The following ADAMTS3 variants were observed in gnomAD, a reference collection of about 807,000 sequenced individuals.
ADAMTS3 encodes the protein A disintegrin and metalloproteinase with thrombospondin motifs 3.
In ADAMTS3, 73 loss-of-function variants were observed where a neutral mutation model predicts 129.0. The observed-to-expected ratio is 0.57, with a 90% CI of 0.47 to 0.69. The LOEUF is 0.69. Ranked by LOEUF, ADAMTS3 falls within the 30% of genes least tolerant of loss-of-function variation. The probability of loss-of-function intolerance (pLI) is 0.00; values close to 1 mark genes in which losing one functional copy is unlikely to be tolerated. For synonymous variants in ADAMTS3, 477 were observed against 510.8 expected (o/e 0.93, Z 0.89); for missense variants, 1,457 against 1,514.5 (o/e 0.96, Z 0.63).
intron 21 of ADAMTS3, among the ~76,000 whole-genome samples, chr4:72,288,478 T>C: frequency 6.6e-6 from 1 of 152,174 alleles, no homozygotes; most frequent in East Asian, 1.9e-4. Context: ...GCAACACAAA[T>C]TGATAGACGT....
intron 3 of ADAMTS3, among the ~76,000 whole-genome samples, chr4:72,540,448 G>C (rs1051139978): frequency 3.9e-5 from 6 of 152,216 alleles, no homozygotes; most frequent in African/African-American, 1.4e-4. Flanking sequence ...CAATGCAATA[G>C]GAAAGAAAAT....
intron 4 of ADAMTS3, among the ~76,000 whole-genome samples, chr4:72,357,844 T>C (rs566336373): frequency 4.4e-4 from 67 of 151,958 alleles, no homozygotes; most frequent in Non-Finnish European, 3.5e-4. Context: ...CAAAAAGATT[T>C]AAATATAAAT....
At chr4:72,462,755 A>C (rs1718806819) in intron 3 of ADAMTS3, among the ~76,000 whole-genome samples, 1 of 151,974 alleles carries the variant, frequency 6.6e-6, no homozygotes, top group African/African-American at 2.4e-5. Flanking sequence ...AGAATATAAA[A>C]AGAAAATATT....
intron 3 of ADAMTS3, among the ~76,000 whole-genome samples, chr4:72,474,291 C>A (rs1422441714): frequency 1.3e-5 from 2 of 151,934 alleles, no homozygotes; most frequent in Non-Finnish European, 2.9e-5. Context: ...CAATGATAAA[C>A]AATGTTTCAA....
chr4:72,283,735 C>A (rs1254936296), intron 21 of ADAMTS3, 31 bp from the exon 22 acceptor site: 2 of 1,498,200 alleles, frequency 1.3e-6, no homozygotes, highest in South Asian at 1.3e-5. Context: ...TAAACTAACA[C>A]TAGCATCTAA....
chr4:72,391,299 A>C (rs1200559334), intron 4 of ADAMTS3, among the ~76,000 whole-genome samples: 1 of 152,204 alleles, frequency 6.6e-6, no homozygotes, highest in East Asian at 1.9e-4. Context: ...TCTCTCTCCC[A>C]TTGCTCAAAT....
intron 3 of ADAMTS3, among the ~76,000 whole-genome samples, chr4:72,500,581 T>C (rs1359064606): frequency 1.3e-5 from 2 of 152,308 alleles, no homozygotes; most frequent in Non-Finnish European, 2.9e-5. Flanking sequence ...AATCTGTTGA[T>C]AGTTTATTTT....
rs528413888 is a variant in ADAMTS3 at position 72,413,809 on chromosome 4, G to A, written c.661+1006C>T. ...CCTCTACAGTGACTCTCTAAGCTAG[G>A]CATACATTTCATAATACTGTATTTA... On this transcript the variant is annotated intron_variant, in intron 4 of 21. Transcript: ENST00000286657. 6.6e-5 allele frequency among the ~76,000 whole-genome samples: 10 copies of A among 151,970 alleles called. No individual in the cohort carries two copies. The South Asian group carries it at 1.9e-3, about 28-fold the overall frequency.
chr4:72,305,490 T>C (rs558261674), intron 16 of ADAMTS3, among the ~76,000 whole-genome samples: 2 of 152,168 alleles, frequency 1.3e-5, no homozygotes, highest in Admixed American at 6.6e-5. Context: ...TAGTGGATTT[T>C]ATTAACATAT....
At chr4:72,513,689 T>C (rs1449225230) in intron 3 of ADAMTS3, among the ~76,000 whole-genome samples, 3 of 152,222 alleles carry the variant, frequency 2.0e-5, no homozygotes, top group African/African-American at 7.2e-5. Context: ...TGTCTCTGTA[T>C]GCTTAAATCT....
chr4:72,415,313 CAT>C (rs975753959), intron 3 of ADAMTS3, among the ~76,000 whole-genome samples: 18 of 151,836 alleles, frequency 1.2e-4, no homozygotes, highest in African/African-American at 4.4e-4. Context: ...TAGTAAGAAT[CAT>C]ATGGGACACA....
At chr4:72,413,808 G>A (rs1722238179) in intron 4 of ADAMTS3, among the ~76,000 whole-genome samples, 1 of 151,778 alleles carries the variant, frequency 6.6e-6, no homozygotes, top group African/African-American at 2.4e-5. Flanking sequence ...CTCTAAGCTA[G>A]GCATACATTT....
chr4:72,320,929 T>C, intron 6 of ADAMTS3, 59 bp from the exon 7 acceptor site: 1 of 1,528,910 alleles, frequency 6.5e-7, no homozygotes, highest in Admixed American at 2.0e-5. Context: ...CTTCGTTTGA[T>C]AATTTCCTCT....
intron 3 of ADAMTS3, among the ~76,000 whole-genome samples, chr4:72,526,214 G>A (rs1720802315): frequency 6.6e-6 from 1 of 152,132 alleles, no homozygotes; most frequent in Non-Finnish European, 1.5e-5. Context: ...GAGAAAAGTT[G>A]GCAGAGAGAG....
In ADAMTS3 at chr4:72,305,995, T is replaced by A. The variant is rs752943957; in HGVS notation, c.2252A>T (p.His751Leu). 6.2e-7 allele frequency: 1 copy of A among 1,611,110 alleles called. No homozygotes were observed. Among genetic ancestry groups the A allele is most frequent in the South Asian group, 1.1e-5 (1 of 90,760 alleles). ...VLIQEDEASP[H>L]ILAIKNQATG... ...CAGACAGAAACACTTACCAAGAATA[T>A]GAGGAGAAGCCTCGTCTTCTTGGAT... Residue 751 changes from histidine to leucine, a missense_variant, in exon 16 of 22, where the codon CAT becomes CTT. By Grantham distance (99) the His-to-Leu change is moderately conservative. Coordinates refer to ENST00000286657, the MANE Select transcript of ADAMTS3 (RefSeq NM_014243.3).
intron 4 of ADAMTS3, among the ~76,000 whole-genome samples, chr4:72,356,844 AAGCCAAACATTACTG>A (rs1720594063): frequency 6.6e-6 from 1 of 151,854 alleles, no homozygotes; most frequent in Non-Finnish European, 1.5e-5. Context: ...ATATTACTTA[AAGCCAAACATTACTG>A]AGATACTGAG....
intron 3 of ADAMTS3, among the ~76,000 whole-genome samples, chr4:72,451,018 A>AGAGAAGAGAAGAGAAGAGAT (rs1560520122): frequency 6.6e-6 from 1 of 150,504 alleles, no homozygotes; most frequent in Non-Finnish European, 1.5e-5. Flanking sequence ...AGAGAAGAGA[A>AGAGAAGAGAAGAGAAGAGAT]ATTTGCAACA....
chr4:72,413,814 C>T (rs1021027589), intron 4 of ADAMTS3, among the ~76,000 whole-genome samples: 5 of 151,934 alleles, frequency 3.3e-5, no homozygotes, highest in Non-Finnish European at 7.4e-5. Context: ...GCTAGGCATA[C>T]ATTTCATAAT....
At chr4:72,375,591 C>T (rs148247785) in intron 4 of ADAMTS3, among the ~76,000 whole-genome samples, 59 of 152,216 alleles carry the variant, frequency 3.9e-4, no homozygotes, top group African/African-American at 1.4e-3. Context: ...AAGGAAGTGA[C>T]ATCAGCCAAG....
Sources: allele counts gnomAD v4.1 joint callset (sites outside exome capture counted in the v4.1 genomes callset), GRCh38; gene constraint gnomAD v4.1.1; transcripts MANE v1.5; gene names NCBI Gene and HGNC (gene_info 2026-07-23, HGNC 2026-07-21).